Variants in PTH2R observed in about 807,000 individuals in gnomAD.
The protein encoded by PTH2R is parathyroid hormone 2 receptor, also known as PTH2 receptor.
Under a neutral mutation model 60.3 loss-of-function variants are expected in PTH2R, and 59 were observed. That is an observed-to-expected ratio of 0.98 (90% CI 0.79 to 1.22). The LOEUF (loss-of-function observed/expected upper bound fraction) is 1.22, where lower values mean the gene tolerates loss of function less well. Among genes scored for constraint, PTH2R ranks in the 50% most tolerant of loss-of-function variants. The pLI is 0.00. For missense variants in PTH2R, 749 were observed against 682.6 expected, an observed-to-expected ratio of 1.10 and a Z score of -1.08; for synonymous variants, 256 against 243.8, an observed-to-expected ratio of 1.05 and a Z score of -0.47.
rs141749351 is a variant in PTH2R, at chr2:208,397,147, G to A, written c.-258-31054G>A. Among the ~76,000 whole-genome samples, 464 of 152,158 alleles carry A rather than the reference G, an allele frequency of 3.0e-3. 1 individual carries two copies. Among genetic ancestry groups the A allele is most frequent in the African/African-American group, 9.1e-3 (376 of 41,502 alleles). On this transcript the variant is annotated intron_variant, in intron 1 of 12. Coordinates refer to the PTH2R transcript ENST00000617735. Reference sequence around the variant, plus strand: ...AGGGAAGGGAATATCACATGCTGGCGCCTGTTGTGGGGTGGGAGGCTGGGG... The same window carrying A: ...AGGGAAGGGAATATCACATGCTGGCACCTGTTGTGGGGTGGGAGGCTGGGG...
intron 1 of PTH2R, among the ~76,000 whole-genome samples, chr2:208,386,740 C>T (rs532783409): frequency 3.3e-5 from 5 of 152,276 alleles, no homozygotes; most frequent in Admixed American, 2.0e-4. Flanking sequence ...TGTATTCTCA[C>T]ATAGTGTAGG....
At chr2:208,453,297 T>C (rs557209204) in intron 8 of PTH2R, among the ~76,000 whole-genome samples, 1 of 152,362 alleles carries the variant, frequency 6.6e-6, no homozygotes, top group African/African-American at 2.4e-5. Context: ...TCCTGGCATA[T>C]GTTTTTCTCA....
At chr2:208,487,653 G>A (rs975252341) in intron 10 of PTH2R, among the ~76,000 whole-genome samples, 1 of 152,156 alleles carries the variant, frequency 6.6e-6, no homozygotes, top group Non-Finnish European at 1.5e-5. Context: ...CAGGAATCTG[G>A]GTATGGATCC....
At chr2:208,438,615 A>G (rs896155512) in intron 4 of PTH2R, among the ~76,000 whole-genome samples, 1 of 152,216 alleles carries the variant, frequency 6.6e-6, no homozygotes, top group Non-Finnish European at 1.5e-5. Flanking sequence ...TTAAATTTAT[A>G]TCACTTAGAC....
At chr2:208,377,566 G>A (rs1351281691) in intron 1 of PTH2R, among the ~76,000 whole-genome samples, 1 of 146,872 alleles carries the variant, frequency 6.8e-6, no homozygotes, top group Non-Finnish European at 1.5e-5. Context: ...CCTGCCTCTG[G>A]GACGGGGCGG....
intron 2 of PTH2R, among the ~76,000 whole-genome samples, chr2:208,430,546 C>CTTTTT (rs760898660): frequency 8.5e-6 from 1 of 118,222 alleles, no homozygotes; most frequent in African/African-American, 3.1e-5. Context: ...TGTCTGGCTT[C>CTTTTT]TTTTTTTTTT....
chr2:208,488,994 CT>C lies in PTH2R; in HGVS notation c.1077-16del. 6.2e-7 allele frequency: 1 copy of C among 1,613,322 alleles called. No individual in the cohort carries two copies. Among genetic ancestry groups the C allele is most frequent in the Non-Finnish European group, 8.5e-7 (1 of 1,179,628 alleles). On this transcript the variant is annotated splice_polypyrimidine_tract_variant and intron_variant, in intron 10 of 12. Transcript: ENST00000272847. Reference sequence around the variant, plus strand: ...GCACTCTAGTTAATGAATGAAAAGACTTGCTGTTCTCCTTTAGGAAACTGGC... The same window carrying C: ...GCACTCTAGTTAATGAATGAAAAGACTGCTGTTCTCCTTTAGGAAACTGGC...
rs1279450641 is a variant in PTH2R at position 208,406,939 on chromosome 2, C to G, written c.-105C>G. 8.2e-6 allele frequency: 8 copies of G among 972,936 alleles called. No individual in the cohort carries two copies. The highest frequency in any genetic ancestry group is 1.1e-5 in the Non-Finnish European group (8 of 708,686). 60.3% of individuals were successfully genotyped at this position (972,936 alleles called of 1,614,324 possible). ...GGGCCCGACCACCCCAGCTGCGCGT[C>G]GTTACTGGCCACAAGTTTGCTCTGG... On this transcript the variant is annotated 5_prime_UTR_variant, in exon 1 of 13. Transcript: ENST00000272847.
intron 9 of PTH2R, 127 bp downstream of exon 9, chr2:208,460,088 T>TC: frequency 1.3e-6 from 1 of 763,132 alleles, no homozygotes; most frequent in Non-Finnish European, 2.2e-6. Flanking sequence ...CAGCAACATC[T>TC]ATTGGGAGAG....
At chr2:208,366,478 T>A (rs1700595606) in intron 1 of PTH2R, among the ~76,000 whole-genome samples, 1 of 152,204 alleles carries the variant, frequency 6.6e-6, no homozygotes, top group African/African-American at 2.4e-5. Flanking sequence ...AATACCCTTG[T>A]CTTGCTAGTA....
intron 8 of PTH2R, among the ~76,000 whole-genome samples, chr2:208,458,777 T>C (rs1702568812): frequency 6.6e-6 from 1 of 152,118 alleles, no homozygotes; most frequent in Non-Finnish European, 1.5e-5. Flanking sequence ...AAAGACATGA[T>C]CTTGTGTTTT....
At chr2:208,369,126 C>T (rs1434212827) in intron 1 of PTH2R, among the ~76,000 whole-genome samples, 3 of 152,020 alleles carry the variant, frequency 2.0e-5, no homozygotes, top group Admixed American at 6.5e-5. Context: ...GATGGATGGA[C>T]CTTAACTTGG....
Position 208,413,141 on chromosome 2 carries a change from CCACACACACACACA to C in PTH2R, c.75+6040_75+6053del, listed in dbSNP as rs5838121. Among the ~76,000 whole-genome samples, 7 of 149,868 alleles carry C rather than the reference CCACACACACACACA, an allele frequency of 4.7e-5. No homozygotes were observed. In the East Asian group the frequency reaches 5.9e-4, roughly 13 times the overall value. Reference sequence around the variant, plus strand: ...TCATCTTTATTTGTTTAAAAAGTGACCACACACACACACACACACACACACACACAGAATGTTTA... The same window carrying C: ...TCATCTTTATTTGTTTAAAAAGTGACCACACACACACACACAGAATGTTTA... On this transcript the variant is annotated intron_variant, in intron 1 of 12. Coordinates refer to ENST00000272847, the MANE Select transcript of PTH2R (RefSeq NM_005048.4).
At chr2:208,429,403 GTTAT>G (rs1049428114) in intron 2 of PTH2R, among the ~76,000 whole-genome samples, 3 of 152,056 alleles carry the variant, frequency 2.0e-5, no homozygotes, top group African/African-American at 7.2e-5. Flanking sequence ...ATGTTAGGAG[GTTAT>G]TTAAGTTTAG....
upstream of PTH2R, among the ~76,000 whole-genome samples, chr2:208,403,451 C>A (rs184986966): frequency 2.6e-5 from 4 of 152,228 alleles, no homozygotes; most frequent in East Asian, 7.7e-4. Flanking sequence ...GTACAAAAAG[C>A]AGAAGGGGCT....
chr2:208,436,393 G>A (rs1055924677), intron 2 of PTH2R, among the ~76,000 whole-genome samples: 1 of 152,134 alleles, frequency 6.6e-6, no homozygotes, highest in African/African-American at 2.4e-5. Context: ...AGGATTTGGG[G>A]CTATTGTGTC....
At chr2:208,378,751 C>A (rs1413489061) in intron 1 of PTH2R, among the ~76,000 whole-genome samples, 1 of 152,128 alleles carries the variant, frequency 6.6e-6, no homozygotes, top group African/African-American at 2.4e-5. Context: ...TAAATGTTTG[C>A]TGTTTAAGTC....
chr2:208,378,163 G>A lies in PTH2R; in HGVS notation c.-259+17926G>A, dbSNP rs557594632. On this transcript the variant is annotated intron_variant, in intron 1 of 12. Coordinates refer to the PTH2R transcript ENST00000617735. ...AGGCTGGCGGATCACTCGCGGTTAG[G>A]AGCTGGAGACCAGCCCGGCCAACAC... Among the ~76,000 whole-genome samples, 6 of 152,058 alleles carry A rather than the reference G, an allele frequency of 3.9e-5. No homozygotes were observed. The South Asian group carries it at 1.2e-3, about 32-fold the overall frequency.
chr2:208,450,930 A>G lies in PTH2R; in HGVS notation c.914+121A>G, dbSNP rs986727880. 3 of 1,068,752 alleles carry G rather than the reference A, an allele frequency of 2.8e-6. No homozygotes were observed. The African/African-American group carries it at 4.7e-5, about 17-fold the overall frequency. 66.2% of individuals were successfully genotyped at this position (1,068,752 alleles called of 1,614,324 possible). A position where few individuals can be genotyped will look rare whatever the true frequency, so the allele number is the denominator to read the frequency against. On this transcript the variant is annotated intron_variant, in intron 8 of 12. Transcript: ENST00000272847. ...ATTGCTTTTTAGGGATGCCACAAGG[A>G]AAATTACCTTGATGCGATGGTAGCT...
Sources: allele counts gnomAD v4.1 joint callset (sites outside exome capture counted in the v4.1 genomes callset), GRCh38; gene constraint gnomAD v4.1.1; transcripts MANE v1.5; gene names NCBI Gene and HGNC (gene_info 2026-07-23, HGNC 2026-07-21).